The following DUSP29 variants were observed in gnomAD, a reference collection of about 807,000 sequenced individuals.
DUSP29 encodes dual specificity phosphatase 29.
In DUSP29, 12 loss-of-function variants were observed where a neutral mutation model predicts 13.5. That is an observed-to-expected ratio of 0.89 (90% CI 0.57 to 1.44). The LOEUF is 1.44. DUSP29 is among the 40% of genes most tolerant of loss of function. DUSP29 has a pLI of 0.00. For synonymous variants in DUSP29, 134 were observed against 128.7 expected (o/e 1.04, Z -0.28); for missense variants, 308 against 301.1 (o/e 1.02, Z -0.17).
At chr10:75,041,710 G>A (rs918801882) in intron 3 of DUSP29, among the ~76,000 whole-genome samples, 9 of 152,242 alleles carry the variant, frequency 5.9e-5, no homozygotes, top group African/African-American at 2.2e-4. Context: ...CCATCTGGTC[G>A]AGTCCCGGCA....
At chr10:75,056,226 A>G (rs1846955331) in intron 2 of DUSP29, among the ~76,000 whole-genome samples, 2 of 151,844 alleles carry the variant, frequency 1.3e-5, no homozygotes, top group South Asian at 4.2e-4. Flanking sequence ...TTCATTTTTA[A>G]TTGCTTAAAA....
At chr10:75,063,938 C>A (rs182989950) in intron 1 of DUSP29, among the ~76,000 whole-genome samples, 1 of 152,248 alleles carries the variant, frequency 6.6e-6, no homozygotes, top group East Asian at 1.9e-4. Flanking sequence ...TGCAAGAGGC[C>A]GAGCAGTACT....
chr10:75,050,161 T>C (rs1052114305), intron 2 of DUSP29, among the ~76,000 whole-genome samples: 3 of 152,186 alleles, frequency 2.0e-5, no homozygotes, highest in Admixed American at 2.0e-4. Context: ...ATCACTTTGA[T>C]GGTAGCCAGG....
intron 1 of DUSP29, among the ~76,000 whole-genome samples, chr10:75,064,935 G>A (rs1360127701): frequency 6.6e-6 from 1 of 151,922 alleles, no homozygotes; most frequent in African/African-American, 2.4e-5. Context: ...ATAACCATGT[G>A]TATATTTTTA....
rs748050589 is a variant in DUSP29 at position 75,043,852 on chromosome 10, A to C, written c.366T>G (p.Ser122Arg). 1 of 1,613,868 alleles carries C rather than the reference A, an allele frequency of 6.2e-7. No individual in the cohort carries two copies. Among genetic ancestry groups the C allele is most frequent in the South Asian group, 1.1e-5 (1 of 91,088 alleles). The change falls in exon 3 of 4, where the codon AGT (serine) becomes AGG (arginine). Residue 122 changes from serine (S) to arginine (R), a missense_variant. By Grantham distance (110) the Ser-to-Arg change is moderately radical (BLOSUM62 -1). Transcript: ENST00000338487. ...EADDLPTFDL[S>R]VFFYPAAAFI... ...AGGCTGCCGCCGGGTAGAAGAAGAC[A>C]CTGAGGTCGAAGGTGGGCAGGTCGT...
At chr10:75,065,885 A>T (rs1449790871) in intron 1 of DUSP29, among the ~76,000 whole-genome samples, 1 of 151,266 alleles carries the variant, frequency 6.6e-6, no homozygotes, top group Non-Finnish European at 1.5e-5. Context: ...CATTTATTTT[A>T]TTTTATTTTA....
At chr10:75,041,321 TC>T (rs1161896017) in intron 3 of DUSP29, among the ~76,000 whole-genome samples, 1 of 152,212 alleles carries the variant, frequency 6.6e-6, no homozygotes, top group Non-Finnish European at 1.5e-5. Context: ...CTTTAGTCTG[TC>T]CTTTGCAGCA....
In DUSP29 at chr10:75,037,910, C is replaced by A; in HGVS notation, c.589G>T (p.Asp197Tyr). ...RGFLKQLREL[D>Y]KQLVQQRRRS... ...CGCCTCTGCTGCACCAGCTGCTTGT[C>A]CAGCTCCCGGAGCTGCTTCAAAAAG... Residue 197 changes from aspartate (D) to tyrosine (Y), a missense_variant, in exon 4 of 4, where the codon GAC (aspartate) becomes TAC (tyrosine). By Grantham distance (160) the Asp-to-Tyr change is radical. Coordinates refer to ENST00000338487, the MANE Select transcript of DUSP29 (RefSeq NM_001003892.3). 1 of 1,613,788 alleles carries A rather than the reference C, an allele frequency of 6.2e-7. No individual in the cohort carries two copies. The highest frequency in any genetic ancestry group is 1.7e-5 in the Admixed American group (1 of 60,032).
At chr10:75,057,555 A>G (rs1353061892) in intron 2 of DUSP29, among the ~76,000 whole-genome samples, 1 of 152,202 alleles carries the variant, frequency 6.6e-6, no homozygotes, top group African/African-American at 2.4e-5. Context: ...TCACTGGGTT[A>G]TCAGGAGAGT....
intron 2 of DUSP29, among the ~76,000 whole-genome samples, chr10:75,049,005 A>G (rs1846765911): frequency 6.6e-6 from 1 of 152,170 alleles, no homozygotes. Flanking sequence ...TGCAATACTG[A>G]AGCTTCTTTG....
At chr10:75,065,966 A>C (rs1030643234) in intron 1 of DUSP29, among the ~76,000 whole-genome samples, 4 of 151,980 alleles carry the variant, frequency 2.6e-5, no homozygotes, top group Non-Finnish European at 5.9e-5. Flanking sequence ...TCTGGCTTCA[A>C]GTGATCCTCC....
At chr10:75,040,196 C>A (rs561515814) in intron 3 of DUSP29, among the ~76,000 whole-genome samples, 16 of 152,146 alleles carry the variant, frequency 1.1e-4, no homozygotes, top group African/African-American at 3.4e-4. Context: ...AAACAAAAAC[C>A]AAACAGTGAA....
chr10:75,067,449 T>C (rs1348451041), intron 1 of DUSP29, among the ~76,000 whole-genome samples: 5 of 152,090 alleles, frequency 3.3e-5, no homozygotes, highest in African/African-American at 1.2e-4. Context: ...GCCAGCATCA[T>C]TGATTCTGCT....
Position 75,055,368 on chromosome 10 carries a change from T to G in DUSP29, c.200+2947A>C, listed in dbSNP as rs568067459. Among the ~76,000 whole-genome samples the G allele has an allele frequency of 2.8e-4, 42 of 152,326 alleles. 1 individual carries two copies. In the South Asian group the frequency reaches 7.7e-3, roughly 28 times the overall value. ...GTGTGCCTTTTTTATTCTGAACTAA[T>G]TTTAGACTTACAGAAACGTGCAAAT... On this transcript the variant is annotated intron_variant, in intron 2 of 3. Coordinates refer to ENST00000338487, the MANE Select transcript of DUSP29 (RefSeq NM_001003892.3).
chr10:75,043,940 T>C lies in DUSP29; in HGVS notation c.278A>G (p.Asn93Ser). Residue 93 changes from asparagine to serine, a missense_variant, in exon 3 of 4, where the codon AAC becomes AGC. Asn to Ser is a conservative substitution (Grantham distance 46). Transcript: ENST00000338487. The stretch of plus-strand genomic sequence containing the variant: ...GTAGTAGTCGGGCCCAGTGTCCACG[T>C]TCCAGCGGCCGTGGGCCGCGTTCAG... ...HVLNAAHGRW[N>S]VDTGPDYYRD... 6.2e-7 allele frequency: 1 copy of C among 1,613,700 alleles called. No homozygotes were observed. Among genetic ancestry groups the C allele is most frequent in the Non-Finnish European group, 8.5e-7 (1 of 1,179,914 alleles).
At chr10:75,052,300 CTTT>C (rs751523419) in intron 2 of DUSP29, among the ~76,000 whole-genome samples, 32 of 124,902 alleles carry the variant, frequency 2.6e-4, no homozygotes, top group South Asian at 1.1e-3. Flanking sequence ...CATTTGTCTA[CTTT>C]TTTTTTTTTT....
At chr10:75,052,599 G>A (rs978263873) in intron 2 of DUSP29, among the ~76,000 whole-genome samples, 5 of 152,156 alleles carry the variant, frequency 3.3e-5, no homozygotes, top group African/African-American at 7.2e-5. Flanking sequence ...GAGCCAACGC[G>A]CCCGGCCATC....
At chr10:75,067,315 G>C (rs1179239860) in intron 1 of DUSP29, among the ~76,000 whole-genome samples, 1 of 152,182 alleles carries the variant, frequency 6.6e-6, no homozygotes, top group African/African-American at 2.4e-5. Flanking sequence ...GAAGCGGCTG[G>C]TGCAAGTGCA....
In DUSP29 at chr10:75,044,022, G is replaced by T. The variant is rs752235570; in HGVS notation, c.201-5C>A. 3 of 1,604,508 alleles carry T rather than the reference G, an allele frequency of 1.9e-6. No homozygotes were observed. The highest frequency in any genetic ancestry group is 2.6e-6 in the Non-Finnish European group (3 of 1,175,736). ...TAGCGGTCCAGCGCCGTCGCCCTGG[G>T]CGCAGGGGAGAGAAATCTGTGGGCG... On this transcript the variant is annotated splice_region_variant and splice_polypyrimidine_tract_variant and intron_variant, in intron 2 of 3. Transcript: ENST00000338487.
Sources: gnomAD v4.1 joint callset for allele counts (sites outside exome capture counted in the v4.1 genomes callset) on GRCh38, gnomAD v4.1.1 for gene constraint, MANE v1.5 for transcripts, NCBI Gene and HGNC (gene_info 2026-07-23, HGNC 2026-07-21) for gene names.